PIP4K2B: variants seen among roughly 807,000 people sequenced by gnomAD.
PIP4K2B encodes the protein phosphatidylinositol-5-phosphate 4-kinase type 2 beta, also known as phosphatidylinositol 5-phosphate 4-kinase type-2 beta.
Under a neutral mutation model 42.0 loss-of-function variants are expected in PIP4K2B, and 3 were observed. The observed-to-expected ratio is 0.07, with a 90% CI of 0.03 to 0.18. The LOEUF is 0.18. PIP4K2B is among the 10% of genes least tolerant of loss of function. The pLI is 1.00. For synonymous variants in PIP4K2B, 204 were observed against 210.1 expected, an observed-to-expected ratio of 0.97 and a Z score of 0.25; for missense variants, 332 against 562.3, an observed-to-expected ratio of 0.59 and a Z score of 4.14.
intron 1 of PIP4K2B, among the ~76,000 whole-genome samples, chr17:38,790,469 G>A (rs760386322): frequency 6.6e-6 from 1 of 152,142 alleles, no homozygotes; most frequent in Non-Finnish European, 1.5e-5. Flanking sequence ...GACGGATCAC[G>A]AGGTCAGAAG....
At chr17:38,797,868 C>T (rs558063540) in intron 1 of PIP4K2B, among the ~76,000 whole-genome samples, 2 of 152,224 alleles carry the variant, frequency 1.3e-5, no homozygotes, top group South Asian at 4.2e-4. Flanking sequence ...GATTGTTGGC[C>T]CGAAGCAGCT....
intron 1 of PIP4K2B, among the ~76,000 whole-genome samples, chr17:38,797,713 A>T (rs1598061226): frequency 6.6e-6 from 1 of 152,212 alleles, no homozygotes; most frequent in Admixed American, 6.5e-5. Context: ...GAGGCCTGGT[A>T]GAGTGAGAAG....
At position 38,769,679 on chromosome 17, in the gene PIP4K2B, G is replaced by C; in HGVS notation, c.*12C>G. 7.0e-7 allele frequency: 1 copy of C among 1,427,750 alleles called. No homozygotes were observed. Among genetic ancestry groups the C allele is most frequent in the East Asian group, 2.3e-5 (1 of 44,066 alleles). The allele number at this position is 1,427,750 out of a possible 1,614,324, so 88.4% of individuals were successfully genotyped here. A position where few individuals can be genotyped will look rare whatever the true frequency, so the allele number is the denominator to read the frequency against. On this transcript the variant is annotated 3_prime_UTR_variant, in exon 10 of 10. Transcript: ENST00000619039. ...ATCCAGCTCTCTGGCTCTGGCTGAA[G>C]GTAGAAGAGAACTACGTCAGGATGT...
chr17:38,781,515 A>C (rs1192978219), intron 3 of PIP4K2B, among the ~76,000 whole-genome samples: 1 of 151,992 alleles, frequency 6.6e-6, no homozygotes, highest in Non-Finnish European at 1.5e-5. Flanking sequence ...CTTAATGAGG[A>C]TCCTGTTATT....
chr17:38,798,339 G>A (rs1910758892), intron 1 of PIP4K2B, among the ~76,000 whole-genome samples: 2 of 152,102 alleles, frequency 1.3e-5, no homozygotes, highest in Admixed American at 1.3e-4. Flanking sequence ...GTTGGAAGAG[G>A]GAGAATAAAG....
In PIP4K2B at chr17:38,793,637, G is replaced by A. The variant is rs141874876; in HGVS notation, c.159+5629C>T. Among the ~76,000 whole-genome samples the A allele has an allele frequency of 7.8e-3, 1,182 of 152,238 alleles. 8 individuals carry two copies. The highest frequency in any genetic ancestry group is 0.011 in the Admixed American group (165 of 15,302). ...TGTAATCCTAGCACTTTGGAAGACC[G>A]AGGTGGGCAAATCGCTTGAGCCCAG... On this transcript the variant is annotated intron_variant, in intron 1 of 9. Coordinates refer to ENST00000619039, the MANE Select transcript of PIP4K2B (RefSeq NM_003559.5).
chr17:38,771,368 T>A (rs1243608473), intron 7 of PIP4K2B, 96 bp from the exon 8 acceptor site: 16 of 1,376,200 alleles, frequency 1.2e-5, no homozygotes, highest in Admixed American at 1.9e-5. Context: ...TCCTTTCAAC[T>A]CAATTCTACA....
intron 3 of PIP4K2B, 89 bp downstream of exon 3, chr17:38,784,154 G>A (rs1909867885): frequency 2.5e-6 from 2 of 784,874 alleles, no homozygotes; most frequent in African/African-American, 1.7e-5. Context: ...CACAAAAACA[G>A]CCAACACGTT....
rs1598046111 is a variant in PIP4K2B, at chr17:38,776,682, T to C, written c.807+1005A>G. ...AAAAAACACCTATTATTATATGTAT[T>C]TTACCACAATTAAAAAAAATTTTTT... is the stretch of plus-strand genomic sequence containing the variant. On this transcript the variant is annotated intron_variant, in intron 7 of 9. Transcript: ENST00000619039. 7.4e-6 allele frequency: 3 copies of C among 406,162 alleles called. No homozygotes were observed. The East Asian group carries it at 2.2e-4, about 29-fold the overall frequency. 25.2% of individuals were successfully genotyped at this position (406,162 alleles called of 1,614,324 possible). A position where few individuals can be genotyped will look rare whatever the true frequency, so the allele number is the denominator to read the frequency against.
chr17:38,794,608 T>A (rs1388127535), intron 1 of PIP4K2B, among the ~76,000 whole-genome samples: 23 of 25,504 alleles, frequency 9.0e-4, no homozygotes, highest in Admixed American at 2.0e-3. Context: ...CCCCAATTCA[T>A]TAAAAAAAAA....
chr17:38,781,940 G>A (rs1016827304), intron 3 of PIP4K2B, among the ~76,000 whole-genome samples: 1 of 152,128 alleles, frequency 6.6e-6, no homozygotes, highest in Non-Finnish European at 1.5e-5. Flanking sequence ...GGCCTCCTGA[G>A]CAGCTGGGAC....
intron 1 of PIP4K2B, 33 bp from the exon 2 acceptor site, chr17:38,786,953 C>G: frequency 7.2e-7 from 1 of 1,383,942 alleles, no homozygotes; most frequent in Non-Finnish European, 1.0e-6. Context: ...GGCTCTCAGC[C>G]AGGAGGCCAC....
rs941763818 is a variant in PIP4K2B at position 38,769,448 on chromosome 17, G to A, written c.*243C>T. ...TTTTAACCTGGGTGTCAAATGGGGA[G>A]AAAAAATCAAGGGTAAGCAGAAGGT... On this transcript the variant is annotated 3_prime_UTR_variant, in exon 10 of 10. Coordinates refer to ENST00000619039, the MANE Select transcript of PIP4K2B (RefSeq NM_003559.5). 4.0e-6 allele frequency: 2 copies of A among 504,628 alleles called. No individual in the cohort carries two copies. Among genetic ancestry groups the A allele is most frequent in the African/African-American group, 1.9e-5 (1 of 52,482 alleles). 31.3% of individuals were successfully genotyped at this position (504,628 alleles called of 1,614,324 possible). A position where few individuals can be genotyped will look rare whatever the true frequency, so the allele number is the denominator to read the frequency against.
rs1908954218 is a variant in PIP4K2B, at chr17:38,770,493, G to A, written c.1113C>T (p.Leu371=). The change falls in exon 9 of 10, where the codon CTC becomes CTT. Residue 371 remains leucine, a synonymous_variant. Coordinates refer to ENST00000619039, the MANE Select transcript of PIP4K2B (RefSeq NM_003559.5). The part of the protein sequence containing the change: ...EVYFMAIIDI[L]TPYDTKKKAA... ...CTTTCTTCTTTGTATCGTATGGCGT[G>A]AGGATATCAATGATGGCCATGAAAT... is the stretch of plus-strand genomic sequence containing the variant. The A allele has an allele frequency of 1.9e-6, 3 of 1,612,358 alleles. 1 individual carries two copies. The highest frequency in any genetic ancestry group is 3.4e-4 in the Middle Eastern group (2 of 5,942).
At position 38,777,677 on chromosome 17, in the gene PIP4K2B, T is replaced by A. The variant is rs1180002723; in HGVS notation, c.807+10A>T. 6.4e-7 allele frequency: 1 copy of A among 1,564,958 alleles called. No homozygotes were observed. The highest frequency in any genetic ancestry group is 8.8e-7 in the Non-Finnish European group (1 of 1,135,238). ...GAGCCTTGCAGGTGAAAATGAAGGT[T>A]AGTAAGTACCTCAACGTCCCGCTTC... On this transcript the variant is annotated intron_variant, in intron 7 of 9. Coordinates refer to ENST00000619039, the MANE Select transcript of PIP4K2B (RefSeq NM_003559.5).
At chr17:38,781,033 C>T (rs969153364) in intron 3 of PIP4K2B, among the ~76,000 whole-genome samples, 1 of 152,168 alleles carries the variant, frequency 6.6e-6, no homozygotes, top group Non-Finnish European at 1.5e-5. Flanking sequence ...TGAGCTGATT[C>T]TCCCAGTCTC....
At chr17:38,797,982 A>T (rs1275069000) in intron 1 of PIP4K2B, among the ~76,000 whole-genome samples, 1 of 152,156 alleles carries the variant, frequency 6.6e-6, no homozygotes, top group Non-Finnish European at 1.5e-5. Context: ...AGACCAAGAA[A>T]CCACAGAGAC....
At chr17:38,797,825 G>A (rs1296870574) in intron 1 of PIP4K2B, among the ~76,000 whole-genome samples, 1 of 152,176 alleles carries the variant, frequency 6.6e-6, no homozygotes, top group Non-Finnish European at 1.5e-5. Context: ...TGACCCCTGG[G>A]ACAGCAGGAA....
At position 38,799,188 on chromosome 17, in the gene PIP4K2B, C is replaced by A; in HGVS notation, c.159+78G>T. Reference sequence around the variant, plus strand: ...TGGCAGGCGTCACCGGCAGGGCCTGCGGGGCAAGGGCCCAGGGCTGCAGGG... The same window carrying A: ...TGGCAGGCGTCACCGGCAGGGCCTGAGGGGCAAGGGCCCAGGGCTGCAGGG... On this transcript the variant is annotated intron_variant, in intron 1 of 9. Transcript: ENST00000619039. The surrounding 1 kb of genome is among the most constrained non-coding windows in gnomAD (Gnocchi z 4.4). The A allele has an allele frequency of 7.1e-7, 1 of 1,409,224 alleles. No homozygotes were observed. Among genetic ancestry groups the A allele is most frequent in the Non-Finnish European group, 9.3e-7 (1 of 1,075,586 alleles). The allele number at this position is 1,409,224 out of a possible 1,614,324, so 87.3% of individuals were successfully genotyped here.
Sources: gnomAD v4.1 joint callset for allele counts (sites outside exome capture counted in the v4.1 genomes callset) on GRCh38, gnomAD v4.1.1 for gene constraint, Gnocchi (gnomAD v3.1) non-coding constraint, MANE v1.5 for transcripts, NCBI Gene and HGNC (gene_info 2026-07-23, HGNC 2026-07-21) for gene names.